The following FAM227A variants were observed in gnomAD, a reference collection of about 807,000 sequenced individuals.
FAM227A encodes the protein protein FAM227A.
FAM227A carries 80 observed loss-of-function variants against 74.7 expected under a neutral mutation model. That is an observed-to-expected ratio of 1.07 (90% CI 0.89 to 1.29). The LOEUF (loss-of-function observed/expected upper bound fraction) is 1.29. Among genes scored for constraint, FAM227A ranks in the 50% most tolerant of loss-of-function variants. The pLI is 0.00. For missense variants in FAM227A, 654 were observed against 683.4 expected (o/e 0.96, Z 0.48); for synonymous variants, 237 against 241.8 (o/e 0.98, Z 0.19).
intron 9 of FAM227A, among the ~76,000 whole-genome samples, chr22:38,625,335 G>A (rs2091774194): frequency 6.6e-6 from 1 of 151,106 alleles, no homozygotes. Context: ...GTTGCAGTGA[G>A]CAGAGATTGT....
At chr22:38,623,428 G>T in intron 9 of FAM227A, 149 bp from the exon 10 acceptor site, 1 of 563,082 alleles carries the variant, frequency 1.8e-6, no homozygotes, top group Non-Finnish European at 3.2e-6. Context: ...TATTTAAAAA[G>T]AAATTAAAAA....
At chr22:38,617,420 C>G (rs5757180) in intron 11 of FAM227A, among the ~76,000 whole-genome samples, 44,522 of 151,346 alleles carry the variant, frequency 0.29, 6,621 homozygotes, top group East Asian at 0.36. Context: ...CTCAGTCTCC[C>G]GAGTAGCTGG....
intron 13 of FAM227A, among the ~76,000 whole-genome samples, chr22:38,600,165 C>T (rs957159920): frequency 6.6e-6 from 1 of 151,976 alleles, no homozygotes; most frequent in Non-Finnish European, 1.5e-5. Context: ...AGACATTGAT[C>T]TCTTTACCCA....
At chr22:38,611,581 C>A (rs1028298596) in intron 11 of FAM227A, among the ~76,000 whole-genome samples, 8 of 152,098 alleles carry the variant, frequency 5.3e-5, no homozygotes, top group Admixed American at 3.9e-4. Flanking sequence ...TCGCGATGCC[C>A]ATTTTGTGGA....
At chr22:38,601,706 A>G (rs1287131838) in intron 13 of FAM227A, among the ~76,000 whole-genome samples, 2 of 152,044 alleles carry the variant, frequency 1.3e-5, no homozygotes, top group African/African-American at 4.8e-5. Context: ...AAGGGGTGAG[A>G]AGTGAGCAAA....
At chr22:38,648,403 T>C (rs904542259) in intron 2 of FAM227A, among the ~76,000 whole-genome samples, 4 of 140,760 alleles carry the variant, frequency 2.8e-5, no homozygotes, top group African/African-American at 1.1e-4. Context: ...AGGTCAGGAG[T>C]TCGAGACCAA....
At chr22:38,588,752 C>T (rs2090864983) in intron 16 of FAM227A, among the ~76,000 whole-genome samples, 1 of 140,298 alleles carries the variant, frequency 7.1e-6, no homozygotes, top group Non-Finnish European at 1.5e-5. Context: ...AACCCCGTCT[C>T]TACTAAAAAT....
At chr22:38,638,869 TC>T (rs1357070707) in intron 4 of FAM227A, 47 bp from the exon 5 acceptor site, 2 of 1,256,476 alleles carry the variant, frequency 1.6e-6, no homozygotes. Flanking sequence ...ACAGGGTCTG[TC>T]CACAGCTGTG....
chr22:38,629,263 C>T (rs888484014), intron 6 of FAM227A, among the ~76,000 whole-genome samples: 1 of 152,186 alleles, frequency 6.6e-6, no homozygotes, highest in Non-Finnish European at 1.5e-5. Flanking sequence ...TATCAACCAA[C>T]GCAGTTAATG....
chr22:38,613,137 A>ATATATAAT (rs2091465465), intron 11 of FAM227A, among the ~76,000 whole-genome samples: 3 of 85,118 alleles, frequency 3.5e-5, no homozygotes, highest in African/African-American at 1.6e-4. Context: ...TATATATATA[A>ATATATAAT]TATATATATT....
chr22:38,642,540 A>C (rs1339143830), intron 3 of FAM227A, among the ~76,000 whole-genome samples: 1 of 152,216 alleles, frequency 6.6e-6, no homozygotes, highest in Non-Finnish European at 1.5e-5. Context: ...TAAAATTAAA[A>C]ATTTCTGCTC....
intron 16 of FAM227A, among the ~76,000 whole-genome samples, chr22:38,590,543 A>C (rs968733231): frequency 2.0e-5 from 3 of 152,178 alleles, no homozygotes; most frequent in Non-Finnish European, 4.4e-5. Flanking sequence ...GTCAGGTCTA[A>C]TATGCCTGCA....
At chr22:38,598,598 G>A (rs1170464023) in intron 14 of FAM227A, among the ~76,000 whole-genome samples, 3 of 152,192 alleles carry the variant, frequency 2.0e-5, no homozygotes, top group East Asian at 3.9e-4. Context: ...TGCAGAAGAC[G>A]CAAAGTCCTC....
rs1333584412 is a variant in FAM227A, at chr22:38,583,164, GACTAT to G, written c.*2956_*2960del. ...GTGCTCACACGTTCTGGTTTCAGAA[GACTAT>G]ACTTTTTTTTTTTTTTTTTTGAGAT... is the stretch of plus-strand genomic sequence containing the variant. On this transcript the variant is annotated 3_prime_UTR_variant, in exon 17 of 17. Coordinates refer to ENST00000535113, the MANE Select transcript of FAM227A (RefSeq NM_001013647.2). 1.3e-4 allele frequency: 57 copies of G among 439,354 alleles called. No homozygotes were observed. The East Asian group carries it at 2.3e-3, about 18-fold the overall frequency. 27.2% of individuals were successfully genotyped at this position (439,354 alleles called of 1,614,324 possible).
At chr22:38,632,443 T>C (rs188445245) in intron 6 of FAM227A, among the ~76,000 whole-genome samples, 1 of 152,276 alleles carries the variant, frequency 6.6e-6, no homozygotes, top group East Asian at 1.9e-4. Context: ...CTCTTCCATC[T>C]TCTACCATGG....
chr22:38,590,086 C>CACAAAACAAAACAAAACAAAACAAA (rs59529052), intron 16 of FAM227A, among the ~76,000 whole-genome samples: 54 of 146,600 alleles, frequency 3.7e-4, no homozygotes, highest in African/African-American at 1.2e-3. Flanking sequence ...ATCTCTGCTA[C>CACAAAACAAAACAAAACAAAACAAA]ACAAAACAAA....
chr22:38,637,118 G>A (rs897230072), intron 5 of FAM227A, among the ~76,000 whole-genome samples: 18 of 152,040 alleles, frequency 1.2e-4, no homozygotes, highest in African/African-American at 4.1e-4. Context: ...AACTTCAATC[G>A]TAATATGATT....
intron 5 of FAM227A, among the ~76,000 whole-genome samples, chr22:38,637,146 G>T (rs535007935): frequency 2.6e-5 from 4 of 152,218 alleles, no homozygotes; most frequent in Non-Finnish European, 4.4e-5. Context: ...GATTCGTCTG[G>T]CTGACTTTGA....
At position 38,583,358 on chromosome 22, in the gene FAM227A, A is replaced by T. The variant is rs1411642563; in HGVS notation, c.*2767T>A. The T allele has an allele frequency of 5.9e-6, 1 of 169,708 alleles. No individual in the cohort carries two copies. Among genetic ancestry groups the T allele is most frequent in the Non-Finnish European group, 1.3e-5 (1 of 78,620 alleles). The allele number at this position is 169,708 out of a possible 1,614,324, so 10.5% of individuals were successfully genotyped here. A position where few individuals can be genotyped will look rare whatever the true frequency, so the allele number is the denominator to read the frequency against. On this transcript the variant is annotated 3_prime_UTR_variant, in exon 17 of 17. Transcript: ENST00000535113. ...CGGCTAATTTTTTTGTATTTTTAGT[A>T]GAGATGGAGTTTCGCCACGTTGGCC...
Sources: gnomAD v4.1 joint callset for allele counts (sites outside exome capture counted in the v4.1 genomes callset) on GRCh38, gnomAD v4.1.1 for gene constraint, MANE v1.5 for transcripts, NCBI Gene and HGNC (gene_info 2026-07-23, HGNC 2026-07-21) for gene names.